AFP: variants seen among roughly 807,000 people sequenced by gnomAD.
The protein encoded by AFP is alpha fetoprotein.
Under a neutral mutation model 78.9 loss-of-function variants are expected in AFP, and 64 were observed. That is an observed-to-expected ratio of 0.81 (90% CI 0.66 to 1.00). AFP has a LOEUF of 1.00. Among genes scored for constraint, AFP ranks in the 50% least tolerant of loss-of-function variants. AFP has a pLI of 0.00. For missense variants in AFP, 689 were observed against 703.8 expected (o/e 0.98, Z 0.24); for synonymous variants, 254 against 243.8 (o/e 1.04, Z -0.39).
chr4:73,440,214 C>A (rs1161439683), intron 3 of AFP, among the ~76,000 whole-genome samples: 1 of 152,110 alleles, frequency 6.6e-6, no homozygotes, highest in East Asian at 1.9e-4. Context: ...TCCCTCCCTG[C>A]ACTCCACTCC....
intron 9 of AFP, 42 bp downstream of exon 9, chr4:73,449,509 T>C (rs1344318351): frequency 6.2e-7 from 1 of 1,609,248 alleles, no homozygotes; most frequent in African/African-American, 1.3e-5. Flanking sequence ...AAAAACTGGA[T>C]TGATATCATC....
intron 12 of AFP, chr4:73,453,504 C>A: frequency 4.8e-6 from 2 of 419,160 alleles, no homozygotes; most frequent in South Asian, 2.4e-5. Context: ...GGGGAGATTG[C>A]CTTCCACTAC....
Position 73,455,270 on chromosome 4 carries a change from T to C in AFP, c.1820T>C (p.Leu607Ser), listed in dbSNP as rs760046372. 6.2e-7 allele frequency: 1 copy of C among 1,612,640 alleles called. No individual in the cohort carries two copies. Among genetic ancestry groups the C allele is most frequent in the South Asian group, 1.1e-5 (1 of 91,050 alleles). Reference protein sequence around the residue: ...QKLISKTRAALGV With the variant: ...QKLISKTRAASGV ...CTGATTTCAAAAACTCGTGCTGCTT[T>C]GGGAGTTTAAATTACTTCAGGTAAC... Residue 607 changes from leucine (L) to serine (S), a missense_variant, in exon 14 of 15, where the codon TTG (leucine) becomes TCG (serine). Leu to Ser is a moderately radical substitution (Grantham distance 145, BLOSUM62 -2). Coordinates refer to ENST00000395792, the MANE Select transcript of AFP (RefSeq NM_001134.3).
chr4:73,452,306 C>A lies in AFP; in HGVS notation c.1429-95C>A, dbSNP rs144946656. ...GTAATATTAATTATAAATTGCTGGG[C>A]ATTAGAAATTATTGCAGCAGTTTTC... On this transcript the variant is annotated intron_variant, in intron 11 of 14. Transcript: ENST00000395792. The A allele has an allele frequency of 7.3e-4, 674 of 923,434 alleles. 3 individuals are homozygous for A. In the African/African-American group the frequency reaches 9.3e-3, roughly 13 times the overall value. 57.2% of individuals were successfully genotyped at this position (923,434 alleles called of 1,614,324 possible).
At chr4:73,448,329 A>G (rs1187055284) in intron 8 of AFP, among the ~76,000 whole-genome samples, 1 of 152,128 alleles carries the variant, frequency 6.6e-6, no homozygotes, top group Non-Finnish European at 1.5e-5. Flanking sequence ...GTATGTAACT[A>G]TGGACACTAT....
At chr4:73,455,191 A>G (rs1306058511) in intron 13 of AFP, 45 bp from the exon 14 acceptor site, 3 of 1,407,850 alleles carry the variant, frequency 2.1e-6, no homozygotes, top group Non-Finnish European at 3.0e-6. Flanking sequence ...TGATTGGTAT[A>G]ATAATCCATT....
At chr4:73,453,616 A>G (rs538523079) in intron 12 of AFP, 149 bp from the exon 13 acceptor site, 16 of 851,578 alleles carry the variant, frequency 1.9e-5, no homozygotes, top group Non-Finnish European at 3.0e-5. Context: ...CTTTCTACTG[A>G]AAGTACTAGA....
intron 12 of AFP, chr4:73,453,498 A>T (rs1376408850): frequency 2.4e-5 from 10 of 409,154 alleles, no homozygotes; most frequent in African/African-American, 4.1e-5. Context: ...GGATGAGGGG[A>T]GATTGCCTTC....
intron 4 of AFP, among the ~76,000 whole-genome samples, chr4:73,441,989 T>C (rs1719683083): frequency 6.6e-6 from 1 of 152,204 alleles, no homozygotes; most frequent in Non-Finnish European, 1.5e-5. Context: ...CATATCTGAG[T>C]AGGCTTATTG....
At chr4:73,455,321 A>G (rs374847988) in intron 14 of AFP, 31 bp downstream of exon 14, 57 of 1,531,566 alleles carry the variant, frequency 3.7e-5, no homozygotes, top group Middle Eastern at 1.7e-4. Flanking sequence ...GCCTGAATAC[A>G]ATGTTGTTTC....
intron 9 of AFP, among the ~76,000 whole-genome samples, 180 bp from the exon 10 acceptor site, chr4:73,449,856 G>A (rs1719934823): frequency 6.6e-6 from 1 of 152,140 alleles, no homozygotes; most frequent in African/African-American, 2.4e-5. Flanking sequence ...TTTATAAAAT[G>A]TTAAACTTAA....
intron 11 of AFP, among the ~76,000 whole-genome samples, chr4:73,451,746 C>A (rs1052061029): frequency 6.6e-6 from 1 of 152,222 alleles, no homozygotes; most frequent in Non-Finnish European, 1.5e-5. Context: ...CATACGACAG[C>A]TGTTTTAAAC....
chr4:73,436,370 T>A, intron 1 of AFP, 23 bp downstream of exon 1: 3 of 1,412,020 alleles, frequency 2.1e-6, no homozygotes, highest in Non-Finnish European at 2.9e-6. Flanking sequence ...GTGTTTTTCT[T>A]GTCTTTTCTC....
Position 73,447,500 on chromosome 4 carries a change from T to C in AFP, c.882T>C (p.Thr294=). 1 of 1,612,118 alleles carries C rather than the reference T, an allele frequency of 6.2e-7. No homozygotes were observed. The highest frequency in any genetic ancestry group is 8.5e-7 in the Non-Finnish European group (1 of 1,179,294). Residue 294 remains threonine (T), a synonymous_variant, in exon 8 of 15, where the codon ACT becomes ACC. Transcript: ENST00000395792. ...IMSYICSQQD[T]LSNKITECCK... ...CCTACATATGTTCTCAACAAGACAC[T>C]CTGTCAAACAAAATAACAGAATGCT...
chr4:73,453,695 T>G, intron 12 of AFP, 70 bp from the exon 13 acceptor site: 1 of 1,568,668 alleles, frequency 6.4e-7, no homozygotes, highest in Non-Finnish European at 8.7e-7. Context: ...AATTCTCTAC[T>G]AGGAAGGCTG....
chr4:73,436,340 T>C lies in AFP; in HGVS notation c.78T>C (p.Tyr26=), dbSNP rs763653699. 15 of 1,566,692 alleles carry C rather than the reference T, an allele frequency of 9.6e-6. No individual in the cohort carries two copies. Among genetic ancestry groups the C allele is most frequent in the African/African-American group, 6.8e-5 (5 of 73,818 alleles). Residue 26 remains tyrosine, a synonymous_variant, in exon 1 of 15, where the codon TAT becomes TAC. Transcript: ENST00000395792. ...TESRTLHRNE[Y]GIASILDSYQ... ...CCAGAACACTGCATAGAAATGAATA[T>C]GGAATAGGTGAGATATTTTGTGTTT...
chr4:73,447,996 T>C (rs1719883333), intron 8 of AFP, among the ~76,000 whole-genome samples: 1 of 152,118 alleles, frequency 6.6e-6, no homozygotes, highest in South Asian at 2.1e-4. Flanking sequence ...AAGGCCACCA[T>C]TGAACTCTCA....
chr4:73,450,481 A>G, intron 10 of AFP, 134 bp from the exon 11 acceptor site: 1 of 1,320,144 alleles, frequency 7.6e-7, no homozygotes, highest in South Asian at 1.3e-5. Flanking sequence ...GTTGGTTCAA[A>G]TACCATGTAG....
rs1387544196 is a variant in AFP, at chr4:73,452,583, G to A, written c.1611G>A (p.Leu537=). The A allele has an allele frequency of 6.2e-7, 1 of 1,614,018 alleles. No individual in the cohort carries two copies. The highest frequency in any genetic ancestry group is 8.5e-7 in the Non-Finnish European group (1 of 1,179,950). ...ACAAGTTCATTTTCCATAAGGATCT[G>A]TGCCAAGCTCAGGGTGTAGCGCTGC... is the stretch of plus-strand genomic sequence containing the variant. The part of the protein sequence containing the change: ...SDDKFIFHKD[L]CQAQGVALQT... Residue 537 remains leucine (L), a synonymous_variant, in exon 12 of 15, where the codon CTG becomes CTA. Transcript: ENST00000395792.
Sources: gnomAD v4.1 joint callset for allele counts (sites outside exome capture counted in the v4.1 genomes callset) on GRCh38, gnomAD v4.1.1 for gene constraint, MANE v1.5 for transcripts, NCBI Gene and HGNC (gene_info 2026-07-23, HGNC 2026-07-21) for gene names.